Variants in KMO observed in about 807,000 individuals in gnomAD.
KMO encodes kynurenine 3-hydroxylase.
In KMO, 24 loss-of-function variants were observed where a neutral mutation model predicts 57.8. The observed-to-expected ratio is 0.42, with a 90% CI of 0.30 to 0.58. KMO has a LOEUF of 0.58. KMO is among the 20% of genes least tolerant of loss of function. The pLI, the probability that KMO is intolerant of heterozygous loss-of-function variation, is 0.22. For missense variants in KMO, 483 were observed against 588.2 expected, an observed-to-expected ratio of 0.82 and a Z score of 1.85; for synonymous variants, 210 against 193.6, an observed-to-expected ratio of 1.08 and a Z score of -0.70.
intron 1 of KMO, among the ~76,000 whole-genome samples, chr1:241,535,526 G>T (rs1303820011): frequency 3.3e-5 from 5 of 152,134 alleles, no homozygotes; most frequent in African/African-American, 1.2e-4. Context: ...GGTTAAACCA[G>T]TTGATTTCCT....
intron 11 of KMO, among the ~76,000 whole-genome samples, chr1:241,588,172 A>T (rs761288377): frequency 2.2e-4 from 34 of 152,078 alleles, no homozygotes; most frequent in Non-Finnish European, 4.3e-4. Flanking sequence ...GTGAACACTG[A>T]ATAATTTCTA....
intron 2 of KMO, among the ~76,000 whole-genome samples, chr1:241,549,244 A>AGTCG (rs1359161020): frequency 1.1e-4 from 2 of 19,032 alleles, no homozygotes; most frequent in Non-Finnish European, 3.6e-4. Flanking sequence ...AAAGAAAGAA[A>AGTCG]GAAAGAAAGA....
intron 10 of KMO, among the ~76,000 whole-genome samples, chr1:241,571,411 A>G (rs573696923): frequency 1.3e-5 from 2 of 152,120 alleles, no homozygotes; most frequent in Non-Finnish European, 2.9e-5. Flanking sequence ...GTATGATACT[A>G]GCTGTGGTGT....
intron 10 of KMO, among the ~76,000 whole-genome samples, chr1:241,570,425 C>G (rs1319457401): frequency 1.3e-5 from 2 of 152,040 alleles, no homozygotes; most frequent in African/African-American, 4.8e-5. Flanking sequence ...TTAGATTTGT[C>G]TTTAATCCAC....
At position 241,594,734 on chromosome 1, in the gene KMO, G is replaced by T; in HGVS notation, c.*2581G>T. On this transcript the variant is annotated 3_prime_UTR_variant, in exon 15 of 15. Coordinates refer to ENST00000366559, the MANE Select transcript of KMO (RefSeq NM_003679.5). ...AAAGTGGAATATTAAGTAAAAGTTG[G>T]GCACTAATCTGGATTAACATTCGAG... 3.1e-6 allele frequency: 5 copies of T among 1,590,538 alleles called. No homozygotes were observed. Among genetic ancestry groups the T allele is most frequent in the Non-Finnish European group, 4.3e-6 (5 of 1,169,212 alleles).
intron 2 of KMO, among the ~76,000 whole-genome samples, chr1:241,549,172 G>A (rs562575643): frequency 6.8e-6 from 1 of 147,230 alleles, no homozygotes; most frequent in African/African-American, 2.5e-5. Context: ...CAAAGAAAGA[G>A]AGAGAAAGAG....
intron 9 of KMO, among the ~76,000 whole-genome samples, chr1:241,567,347 T>C (rs1662121257): frequency 6.6e-6 from 1 of 152,210 alleles, no homozygotes; most frequent in South Asian, 2.1e-4. Context: ...TCTTGGTTCA[T>C]AGATGACAGT....
chr1:241,576,224 A>G (rs563788193), intron 10 of KMO, among the ~76,000 whole-genome samples: 3 of 151,946 alleles, frequency 2.0e-5, no homozygotes, highest in East Asian at 1.9e-4. Flanking sequence ...CTGACAATCT[A>G]TATTTTTTAA....
intron 5 of KMO, among the ~76,000 whole-genome samples, chr1:241,558,659 C>T (rs1232974576): frequency 6.6e-6 from 1 of 151,982 alleles, no homozygotes; most frequent in Non-Finnish European, 1.5e-5. Flanking sequence ...TATAGTACTT[C>T]TCAGGGCTTT....
chr1:241,544,687 T>G (rs1661080922), intron 1 of KMO, among the ~76,000 whole-genome samples: 1 of 152,204 alleles, frequency 6.6e-6, no homozygotes, highest in Admixed American at 6.5e-5. Flanking sequence ...TGACTTATTC[T>G]TTTTGTTTTT....
At chr1:241,545,467 G>A (rs1048867617) in intron 1 of KMO, among the ~76,000 whole-genome samples, 3 of 152,056 alleles carry the variant, frequency 2.0e-5, no homozygotes, top group African/African-American at 4.8e-5. Context: ...GATCTGTTCC[G>A]GGTCCCTCTC....
At position 241,562,207 on chromosome 1, in the gene KMO, G is replaced by T. The variant is rs778122138; in HGVS notation, c.490G>T (p.Val164Leu). 6 of 1,614,144 alleles carry T rather than the reference G, an allele frequency of 3.7e-6. No homozygotes were observed. The highest frequency in any genetic ancestry group is 5.1e-6 in the Non-Finnish European group (6 of 1,180,002). Residue 164 changes from valine (V) to leucine (L), a missense_variant, in exon 7 of 15, where the codon GTA (valine) becomes TTA (leucine). Transcript: ENST00000366559. ...CAAAGATGTCACTTGTGACCTCATT[G>T]TAGGATGTGATGGAGCCTATTCAAC... is the stretch of plus-strand genomic sequence containing the variant. ...VPKDVTCDLIVGCDGAYSTVR... is the reference protein window; with the variant it reads ...VPKDVTCDLILGCDGAYSTVR...
chr1:241,568,707 A>G, intron 10 of KMO, 60 bp downstream of exon 10: 1 of 1,509,542 alleles, frequency 6.6e-7, no homozygotes. Context: ...TCAGCTAACA[A>G]GTCTTACGTA....
At chr1:241,546,865 G>C (rs1381568822) in intron 1 of KMO, among the ~76,000 whole-genome samples, 1 of 152,168 alleles carries the variant, frequency 6.6e-6, no homozygotes. Flanking sequence ...ATCATGGATG[G>C]AGAAGACAGA....
Position 241,560,675 on chromosome 1 carries a change from A to G in KMO, c.372A>G (p.Lys124=), listed in dbSNP as rs534411565. The change falls in exon 6 of 15, where the codon AAA becomes AAG. Residue 124 remains lysine (K), a synonymous_variant. Transcript: ENST00000366559. ...LNKDLLTAAE[K]YPNVKMHFNH... ...TCTCCATTTCCTCAGCTGCTGAGAA[A>G]TACCCCAATGTGAAAATGCACTTTA... 14 of 1,611,698 alleles carry G rather than the reference A, an allele frequency of 8.7e-6. No individual in the cohort carries two copies. In the East Asian group the frequency reaches 2.9e-4, roughly 33 times the overall value.
intron 7 of KMO, among the ~76,000 whole-genome samples, chr1:241,562,655 CATAGGGAGACTCTGTCTCTGTAAAAA>C (rs1455862948): frequency 1.3e-5 from 2 of 152,068 alleles, no homozygotes; most frequent in Non-Finnish European, 2.9e-5. Context: ...ACCTGGGCCA[CATAGGGAGACTCTGTCTCTGTAAAAA>C]ATACAAAAAT....
chr1:241,542,275 A>C (rs1266443782), intron 1 of KMO, among the ~76,000 whole-genome samples: 3 of 152,216 alleles, frequency 2.0e-5, no homozygotes, highest in Non-Finnish European at 4.4e-5. Context: ...GGAGAAGCAT[A>C]CCTCAACATT....
chr1:241,558,838 C>T (rs1184308029), intron 5 of KMO, among the ~76,000 whole-genome samples: 2 of 150,914 alleles, frequency 1.3e-5, no homozygotes, highest in Non-Finnish European at 2.9e-5. Context: ...CTAGGCCAGG[C>T]GCAGTGGCTC....
chr1:241,590,119 G>T lies in KMO; in HGVS notation c.1200+6G>T, dbSNP rs1663192676. ...TTATCCCTCTCTATACAATGGTAAG[G>T]TCTGGACTGAAGACTTTTCCTCATT... On this transcript the variant is annotated splice_donor_region_variant and intron_variant, in intron 13 of 14. Transcript: ENST00000366559. The T allele has an allele frequency of 6.2e-7, 1 of 1,610,524 alleles. No individual in the cohort carries two copies. The highest frequency in any genetic ancestry group is 1.3e-5 in the African/African-American group (1 of 74,956).
Sources: gnomAD v4.1 joint callset for allele counts (sites outside exome capture counted in the v4.1 genomes callset) on GRCh38, gnomAD v4.1.1 for gene constraint, MANE v1.5 for transcripts, NCBI Gene and HGNC (gene_info 2026-07-23, HGNC 2026-07-21) for gene names.